EVA1C: variants seen among roughly 807,000 people sequenced by gnomAD.
EVA1C encodes protein eva-1 homolog C.
Under a neutral mutation model 45.4 loss-of-function variants are expected in EVA1C, and 25 were observed. The ratio of observed to expected loss-of-function variants is 0.55; its 90% CI spans 0.40 to 0.77. EVA1C has a LOEUF of 0.77. EVA1C is among the 30% of genes least tolerant of loss of function. EVA1C has a pLI of 0.00. For missense variants in EVA1C, 479 were observed against 554.8 expected (o/e 0.86, Z 1.37); for synonymous variants, 190 against 221.2 (o/e 0.86, Z 1.25).
At chr21:32,498,420 C>G (rs1389742941) in intron 5 of EVA1C, among the ~76,000 whole-genome samples, 1 of 129,996 alleles carries the variant, frequency 7.7e-6, no homozygotes, top group Non-Finnish European at 1.6e-5. Flanking sequence ...GCTTGGGTGA[C>G]AAGGGTGAAA....
At chr21:32,458,551 G>A (rs796780226) in intron 3 of EVA1C, among the ~76,000 whole-genome samples, 7 of 148,746 alleles carry the variant, frequency 4.7e-5, no homozygotes, top group South Asian at 2.1e-4. Flanking sequence ...GCGCAATCTC[G>A]GCTCACCACA....
At chr21:32,439,101 G>C (rs1317282806) in intron 1 of EVA1C, among the ~76,000 whole-genome samples, 1 of 151,418 alleles carries the variant, frequency 6.6e-6, no homozygotes, top group East Asian at 1.9e-4. Flanking sequence ...TTAGCCAGGC[G>C]TGGTGGCCCA....
chr21:32,433,675 G>T (rs887877312), intron 1 of EVA1C, among the ~76,000 whole-genome samples: 7 of 152,152 alleles, frequency 4.6e-5, no homozygotes, highest in Non-Finnish European at 1.0e-4. Context: ...ATTCATAAAG[G>T]TGAACATTTC....
In EVA1C at chr21:32,467,787, C is replaced by T. The variant is rs8130653; in HGVS notation, c.573C>T (p.Tyr191=). 0.091 allele frequency: 147,136 copies of T among 1,612,358 alleles called. 7,378 individuals carry two copies. Among genetic ancestry groups the T allele is most frequent in the Middle Eastern group, 0.16 (949 of 6,048 alleles). Reference sequence around the variant, plus strand: ...TCCTCAACATCTACTCTGCGACCTACGGCAGGAGGACCCAGGAAAGGGACA... The same window carrying T: ...TCCTCAACATCTACTCTGCGACCTATGGCAGGAGGACCCAGGAAAGGGACA... ...SKFLNIYSAT[Y]GRRTQERDIC... Residue 191 remains tyrosine, a synonymous_variant, in exon 4 of 8, where the codon TAC becomes TAT. Transcript: ENST00000300255.
chr21:32,434,393 C>A (rs2034844649), intron 1 of EVA1C, among the ~76,000 whole-genome samples: 1 of 151,536 alleles, frequency 6.6e-6, no homozygotes, highest in African/African-American at 2.4e-5. Flanking sequence ...AGATCAAGAC[C>A]ATCCTGGCTA....
rs190934460 is a variant in EVA1C at position 32,418,296 on chromosome 21, A to G, written c.160+5283A>G. Among the ~76,000 whole-genome samples, 31 of 152,320 alleles carry G rather than the reference A, an allele frequency of 2.0e-4. No homozygotes were observed. The East Asian group carries it at 5.2e-3, about 26-fold the overall frequency. Reference sequence around the variant, plus strand: ...TGTCCGAAGGAGTTGTCTAGAGGCCACAGAAGAAGAGAGATGAATAGCCAG... The same window carrying G: ...TGTCCGAAGGAGTTGTCTAGAGGCCGCAGAAGAAGAGAGATGAATAGCCAG... On this transcript the variant is annotated intron_variant, in intron 1 of 7. Transcript: ENST00000300255.
rs1322242877 is a variant in EVA1C at position 32,488,117 on chromosome 21, A to G, written c.635-6910A>G. 2.0e-5 allele frequency among the ~76,000 whole-genome samples: 3 copies of G among 152,300 alleles called. No individual in the cohort carries two copies. The South Asian group carries it at 6.2e-4, about 32-fold the overall frequency. The stretch of plus-strand genomic sequence containing the variant: ...TTGCAAGAAAATATTCTCAAACCTT[A>G]TATCTGATAAGGGGTTAATATTCAA... On this transcript the variant is annotated intron_variant, in intron 4 of 7. Transcript: ENST00000300255.
At chr21:32,480,088 T>G (rs1359591866) in intron 4 of EVA1C, among the ~76,000 whole-genome samples, 2 of 152,078 alleles carry the variant, frequency 1.3e-5, no homozygotes, top group Non-Finnish European at 2.9e-5. Flanking sequence ...TTTGCAAATG[T>G]TCAGCTGTAA....
At chr21:32,488,408 A>G (rs948657510) in intron 4 of EVA1C, among the ~76,000 whole-genome samples, 1 of 152,108 alleles carries the variant, frequency 6.6e-6, no homozygotes, top group African/African-American at 2.4e-5. Context: ...ACCAATCTAC[A>G]TTCCCACCAA....
intron 4 of EVA1C, among the ~76,000 whole-genome samples, chr21:32,492,009 A>G (rs1026350695): frequency 6.6e-6 from 1 of 152,206 alleles, no homozygotes; most frequent in Non-Finnish European, 1.5e-5. Context: ...AAAGGAGAAG[A>G]GAGCCCAGAC....
intron 3 of EVA1C, among the ~76,000 whole-genome samples, chr21:32,465,023 C>A (rs924549166): frequency 1.3e-5 from 2 of 152,134 alleles, no homozygotes; most frequent in Admixed American, 1.3e-4. Context: ...AAGATTTTCA[C>A]TTTTTGGCCC....
chr21:32,415,959 C>T (rs567119225), intron 1 of EVA1C, among the ~76,000 whole-genome samples: 3 of 152,252 alleles, frequency 2.0e-5, no homozygotes, highest in South Asian at 4.1e-4. Context: ...TGGCTTGAGA[C>T]GTCTAAATTC....
intron 1 of EVA1C, among the ~76,000 whole-genome samples, chr21:32,429,684 G>A (rs1329319141): frequency 1.3e-5 from 2 of 152,094 alleles, no homozygotes; most frequent in Non-Finnish European, 2.9e-5. Context: ...AATTATCAGG[G>A]AAATAAGCCA....
chr21:32,492,280 G>C (rs2037185788), intron 4 of EVA1C, among the ~76,000 whole-genome samples: 1 of 152,088 alleles, frequency 6.6e-6, no homozygotes, highest in Non-Finnish European at 1.5e-5. Flanking sequence ...TCATCTCTTG[G>C]ATGGGATGGT....
intron 1 of EVA1C, among the ~76,000 whole-genome samples, chr21:32,415,915 C>A (rs2034019573): frequency 6.6e-6 from 1 of 152,230 alleles, no homozygotes; most frequent in African/African-American, 2.4e-5. Context: ...GGATAGAGTT[C>A]TCTTCATTTG....
At position 32,443,365 on chromosome 21, in the gene EVA1C, C is replaced by T. The variant is rs1417160894; in HGVS notation, c.161-9947C>T. ...CCTGACCAACATGGTGAAACCCTGC[C>T]TCTACTAAAAATACAAAAAAATTAG... is the stretch of plus-strand genomic sequence containing the variant. On this transcript the variant is annotated intron_variant, in intron 1 of 7. Coordinates refer to ENST00000300255, the MANE Select transcript of EVA1C (RefSeq NM_058187.5). Among the ~76,000 whole-genome samples, 3 of 152,026 alleles carry T rather than the reference C, an allele frequency of 2.0e-5. No individual in the cohort carries two copies. In the East Asian group the frequency reaches 5.8e-4, roughly 29 times the overall value.
At chr21:32,491,246 C>T (rs1357130698) in intron 4 of EVA1C, among the ~76,000 whole-genome samples, 1 of 152,084 alleles carries the variant, frequency 6.6e-6, no homozygotes. Context: ...GGCTGCGACA[C>T]AGGCTGGGGT....
chr21:32,503,105 A>G (rs1290031316), intron 6 of EVA1C, among the ~76,000 whole-genome samples: 1 of 152,210 alleles, frequency 6.6e-6, no homozygotes, highest in African/African-American at 2.4e-5. Context: ...GCTAAGCTCC[A>G]TCCAGCAGTG....
At chr21:32,433,289 T>G (rs1312859592) in intron 1 of EVA1C, 1 of 152,330 alleles carries the variant, frequency 6.6e-6, no homozygotes, top group Non-Finnish European at 1.5e-5. Flanking sequence ...AAACTTGGTT[T>G]GCCTCCTGTG....
Sources: allele counts gnomAD v4.1 joint callset (sites outside exome capture counted in the v4.1 genomes callset), GRCh38; gene constraint gnomAD v4.1.1; transcripts MANE v1.5; gene names NCBI Gene and HGNC (gene_info 2026-07-23, HGNC 2026-07-21).